Variants in MAN1A1 observed in about 807,000 individuals in gnomAD.
MAN1A1 encodes the protein mannosyl-oligosaccharide 1,2-alpha-mannosidase IA.
In MAN1A1, 29 loss-of-function variants were observed where a neutral mutation model predicts 70.8. That is an observed-to-expected ratio of 0.41 (90% CI 0.31 to 0.56). The LOEUF is 0.56. Among genes scored for constraint, MAN1A1 ranks in the 20% least tolerant of loss-of-function variants. The pLI is 0.29. For missense variants in MAN1A1, 747 were observed against 841.3 expected (o/e 0.89, Z 1.39); for synonymous variants, 349 against 330.1 (o/e 1.06, Z -0.62).
intron 5 of MAN1A1, among the ~76,000 whole-genome samples, chr6:119,270,595 C>A (rs1423574448): frequency 6.6e-6 from 1 of 152,164 alleles, no homozygotes; most frequent in Non-Finnish European, 1.5e-5. Flanking sequence ...TTTTGGACAT[C>A]ATACAGTATT....
At chr6:119,328,529 CAA>C (rs1432041035) in intron 2 of MAN1A1, among the ~76,000 whole-genome samples, 5 of 146,552 alleles carry the variant, frequency 3.4e-5, no homozygotes, top group Admixed American at 2.9e-4. Flanking sequence ...TAGGTTAAAA[CAA>C]AGTGAGTCAT....
chr6:119,239,176 C>T (rs1331572603), intron 6 of MAN1A1, among the ~76,000 whole-genome samples: 1 of 152,188 alleles, frequency 6.6e-6, no homozygotes, highest in Non-Finnish European at 1.5e-5. Flanking sequence ...CCGCACCCGG[C>T]CTGAAACTGG....
Position 119,184,911 on chromosome 6 carries a change from G to A in MAN1A1, c.1719+3494C>T, listed in dbSNP as rs560215160. ...TGATTTTTTTTTTTAAAATTTTCAA[G>A]AGAGTCTCGCTCTGTTGCTCAGGCT... On this transcript the variant is annotated intron_variant, in intron 11 of 12. Transcript: ENST00000368468. Among the ~76,000 whole-genome samples the A allele has an allele frequency of 2.6e-5, 4 of 151,938 alleles. No homozygotes were observed. In the East Asian group the frequency reaches 5.8e-4, roughly 22 times the overall value.
At chr6:119,207,657 A>AT (rs1340653888) in intron 6 of MAN1A1, among the ~76,000 whole-genome samples, 5 of 152,180 alleles carry the variant, frequency 3.3e-5, no homozygotes, top group African/African-American at 1.2e-4. Flanking sequence ...TTCTAAAGTC[A>AT]TTTTTGTCTT....
At chr6:119,343,506 G>A (rs1773649231) in intron 2 of MAN1A1, among the ~76,000 whole-genome samples, 1 of 152,174 alleles carries the variant, frequency 6.6e-6, no homozygotes, top group South Asian at 2.1e-4. Flanking sequence ...AAGTTATCAT[G>A]GCATAATTTG....
At chr6:119,342,173 GAA>G (rs991621973) in intron 2 of MAN1A1, among the ~76,000 whole-genome samples, 1 of 152,128 alleles carries the variant, frequency 6.6e-6, no homozygotes, top group African/African-American at 2.4e-5. Context: ...AAAAATCAAA[GAA>G]AATCAGAGTT....
chr6:119,227,042 C>T lies in MAN1A1; in HGVS notation c.992+21218G>A, dbSNP rs542140940. On this transcript the variant is annotated intron_variant, in intron 6 of 12. Coordinates refer to ENST00000368468, the MANE Select transcript of MAN1A1 (RefSeq NM_005907.4). Reference sequence around the variant, plus strand: ...TAGAGATAACACAAACATCCATAAACAGGAGAATAAACTATAGTATATTCA... The same window carrying T: ...TAGAGATAACACAAACATCCATAAATAGGAGAATAAACTATAGTATATTCA... 7.2e-5 allele frequency among the ~76,000 whole-genome samples: 11 copies of T among 152,200 alleles called. No homozygotes were observed. The South Asian group carries it at 1.9e-3, about 26-fold the overall frequency.
At chr6:119,261,144 A>G (rs1465147254) in intron 5 of MAN1A1, among the ~76,000 whole-genome samples, 1 of 151,610 alleles carries the variant, frequency 6.6e-6, no homozygotes, top group Non-Finnish European at 1.5e-5. Flanking sequence ...ATGCCCGGCT[A>G]ATTTTTTTGT....
chr6:119,189,807 T>C lies in MAN1A1; in HGVS notation c.1403A>G (p.Glu468Gly). 3 of 1,614,154 alleles carry C rather than the reference T, an allele frequency of 1.9e-6. No homozygotes were observed. Among genetic ancestry groups the C allele is most frequent in the Non-Finnish European group, 2.5e-6 (3 of 1,180,024 alleles). Residue 468 changes from glutamate to glycine, a missense_variant, in exon 10 of 13, where the codon GAG becomes GGG. By Grantham distance (98) the Glu-to-Gly change is moderately conservative. Around this residue, in one of 2 missense-constraint regions of MAN1A1, gnomAD observed 419 missense variants for 548.2 expected, o/e 0.76. Coordinates refer to ENST00000368468, the MANE Select transcript of MAN1A1 (RefSeq NM_005907.4). ...YIAEWKGGLL[E>G]HKMGHLTCFA... ...GCAGGTCAGGTGGCCCATCTTGTGC[T>C]CCAGGAGGCCCCCTTTCCACTCTGC... is the stretch of plus-strand genomic sequence containing the variant.
At chr6:119,190,227 A>AT (rs1773406633) in intron 9 of MAN1A1, among the ~76,000 whole-genome samples, 1 of 152,180 alleles carries the variant, frequency 6.6e-6, no homozygotes, top group Non-Finnish European at 1.5e-5. Flanking sequence ...TTTCATTTCC[A>AT]TAAGTGGTGA....
rs1248362426 is a variant in MAN1A1, at chr6:119,179,844, T to G, written c.1937A>C (p.Lys646Thr). 1.2e-6 allele frequency: 2 copies of G among 1,612,634 alleles called. No individual in the cohort carries two copies. Among genetic ancestry groups the G allele is most frequent in the Non-Finnish European group, 1.7e-6 (2 of 1,178,828 alleles). ...TTATTCCTCTCTGATTTCAACTTCC[T>G]TTTTATCTTTAGGGAGGATAGGGAG... Reference protein sequence around the residue: ...HLLPILPKDKKEVEIREE With the variant: ...HLLPILPKDKTEVEIREE Residue 646 changes from lysine (K) to threonine (T), a missense_variant, in exon 13 of 13, where the codon AAG (lysine) becomes ACG (threonine). Transcript: ENST00000368468.
At chr6:119,321,800 G>A (rs549326615) in intron 2 of MAN1A1, among the ~76,000 whole-genome samples, 56 of 151,908 alleles carry the variant, frequency 3.7e-4, no homozygotes, top group African/African-American at 1.3e-3. Context: ...AGTATTTTTA[G>A]TAGGGACAGG....
chr6:119,179,996 GA>G (rs754946564), intron 12 of MAN1A1, 51 bp from the exon 13 acceptor site: 77 of 1,591,288 alleles, frequency 4.8e-5, no homozygotes, highest in Non-Finnish European at 6.5e-5. Flanking sequence ...GGCAGGCAGT[GA>G]AACCACAAAC....
intron 9 of MAN1A1, among the ~76,000 whole-genome samples, chr6:119,192,921 T>C (rs1028140098): frequency 3.3e-5 from 5 of 152,210 alleles, no homozygotes; most frequent in Non-Finnish European, 7.4e-5. Flanking sequence ...TTTACTTTTA[T>C]ACTAGCCTCC....
intron 2 of MAN1A1, among the ~76,000 whole-genome samples, chr6:119,311,929 ATAAT>A (rs1351443637): frequency 1.3e-5 from 2 of 152,208 alleles, no homozygotes; most frequent in African/African-American, 2.4e-5. Flanking sequence ...TATTTTTAAA[ATAAT>A]TAGATGTATT....
intron 5 of MAN1A1, among the ~76,000 whole-genome samples, chr6:119,256,411 A>AT (rs372688734): frequency 0.37 from 43,932 of 117,564 alleles, 6,910 homozygotes; most frequent in Non-Finnish European, 0.42. Flanking sequence ...ATTGTATCTC[A>AT]TTATTTTTTT....
At chr6:119,212,014 G>C (rs919505184) in intron 6 of MAN1A1, among the ~76,000 whole-genome samples, 1 of 151,676 alleles carries the variant, frequency 6.6e-6, no homozygotes, top group Admixed American at 6.6e-5. Context: ...CTAATTTTTT[G>C]TATTTTTAGC....
chr6:119,333,652 C>T (rs1773379482), intron 2 of MAN1A1, among the ~76,000 whole-genome samples: 1 of 152,168 alleles, frequency 6.6e-6, no homozygotes, highest in Non-Finnish European at 1.5e-5. Context: ...AAATCCTCAA[C>T]CTCTATTACC....
At chr6:119,196,426 T>C (rs1382415974) in intron 8 of MAN1A1, among the ~76,000 whole-genome samples, 4 of 152,050 alleles carry the variant, frequency 2.6e-5, no homozygotes. Context: ...GGATGGCTGT[T>C]TGTCAACACA....
Sources: allele counts gnomAD v4.1 joint callset (sites outside exome capture counted in the v4.1 genomes callset), GRCh38; gene constraint gnomAD v4.1.1; regional missense constraint gnomAD v4.1.1; transcripts MANE v1.5; gene names NCBI Gene and HGNC (gene_info 2026-07-23, HGNC 2026-07-21).